Variants in IL1RAPL1 observed in about 807,000 individuals in gnomAD.
IL1RAPL1 encodes interleukin 1 receptor accessory protein like 1.
IL1RAPL1 carries 3 observed loss-of-function variants against 48.4 expected under a neutral mutation model. The ratio of observed to expected loss-of-function variants is 0.06; its 90% CI spans 0.03 to 0.16. The LOEUF (loss-of-function observed/expected upper bound fraction) is 0.16, where lower values mean the gene tolerates loss of function less well. Ranked by LOEUF, IL1RAPL1 falls within the 10% of genes least tolerant of loss-of-function variation. IL1RAPL1 has a pLI of 1.00. For missense variants in IL1RAPL1, 349 were observed against 530.6 expected (o/e 0.66, Z 3.36); for synonymous variants, 185 against 187.7 (o/e 0.99, Z 0.12).
chrX:29,695,232 A>C (rs1926877966), intron 6 of IL1RAPL1, among the ~76,000 whole-genome samples: 1 of 111,754 alleles, frequency 8.9e-6, no homozygotes, highest in Non-Finnish European at 1.9e-5. Context: ...AAGGAGCTTG[A>C]GGTACAGAGA....
chrX:29,907,434 A>G (rs1300581328), intron 6 of IL1RAPL1, among the ~76,000 whole-genome samples: 1 of 111,098 alleles, frequency 9.0e-6, no homozygotes, highest in Admixed American at 9.6e-5. Context: ...CCTATATAGT[A>G]TATTTATTTC....
chrX:29,177,326 AT>A (rs1380849647), intron 2 of IL1RAPL1, among the ~76,000 whole-genome samples: 7 of 111,768 alleles, frequency 6.3e-5, no homozygotes, highest in African/African-American at 2.3e-4. Flanking sequence ...TACATTCACA[AT>A]TATACTCTTA....
intron 2 of IL1RAPL1, among the ~76,000 whole-genome samples, chrX:28,796,630 C>A (rs1936614557): frequency 9.0e-6 from 1 of 111,676 alleles, no homozygotes; most frequent in African/African-American, 3.3e-5. Context: ...GAGGTGGGTT[C>A]CCATGGTCTT....
At chrX:29,426,343 A>G (rs971904122) in intron 5 of IL1RAPL1, among the ~76,000 whole-genome samples, 5 of 111,601 alleles carry the variant, frequency 4.5e-5, no homozygotes, top group African/African-American at 1.3e-4. Context: ...CCAGGAACCT[A>G]TTAGTAGAAG....
chrX:29,503,316 T>TTTTG (rs769570838), intron 5 of IL1RAPL1, among the ~76,000 whole-genome samples: 17 of 111,634 alleles, frequency 1.5e-4, no homozygotes, highest in Admixed American at 1.4e-3. Context: ...TATTCCAGGG[T>TTTTG]TTTGTTTGTT....
intron 6 of IL1RAPL1, among the ~76,000 whole-genome samples, chrX:29,872,899 G>A (rs778248789): frequency 8.9e-6 from 1 of 112,560 alleles, no homozygotes; most frequent in South Asian, 3.7e-4. Flanking sequence ...AAAGGTGAGA[G>A]AAAGAATGGA....
intron 1 of IL1RAPL1, among the ~76,000 whole-genome samples, chrX:28,786,290 C>T (rs1208113592): frequency 9.0e-6 from 1 of 111,112 alleles, no homozygotes; most frequent in Non-Finnish European, 1.9e-5. Flanking sequence ...CATAGTGAAA[C>T]CCCATCTCTA....
At chrX:29,340,466 C>T (rs147287484) in intron 3 of IL1RAPL1, among the ~76,000 whole-genome samples, 4,169 of 112,049 alleles carry the variant, frequency 0.037, 120 homozygotes, top group Non-Finnish European at 0.058. Context: ...TGGCTTCTTT[C>T]ACTTAGCATA....
At chrX:28,603,754 G>C (rs1250740331) in intron 1 of IL1RAPL1, among the ~76,000 whole-genome samples, 1 of 112,454 alleles carries the variant, frequency 8.9e-6, no homozygotes, top group Non-Finnish European at 1.9e-5. Flanking sequence ...TAGGAGAAAA[G>C]AGAGTTTGAT....
intron 2 of IL1RAPL1, among the ~76,000 whole-genome samples, chrX:28,981,233 C>A (rs115742034): frequency 0.013 from 1,381 of 106,938 alleles, 26 homozygotes; most frequent in African/African-American, 0.045. Flanking sequence ...GGTGCACTTT[C>A]TCACACATCA....
At chrX:28,833,153 A>G (rs756121277) in intron 2 of IL1RAPL1, among the ~76,000 whole-genome samples, 7 of 111,374 alleles carry the variant, frequency 6.3e-5, no homozygotes, top group Non-Finnish European at 1.1e-4. Flanking sequence ...TCGTTATTGT[A>G]TAAAAAACCA....
chrX:29,012,047 C>T lies in IL1RAPL1; in HGVS notation c.82+222622C>T, dbSNP rs762140637. 3.6e-5 allele frequency among the ~76,000 whole-genome samples: 4 copies of T among 112,169 alleles called. No homozygotes were observed. In the South Asian group the frequency reaches 1.5e-3, roughly 41 times the overall value. ...AATATTTCAGTTGAGTGTGATGTGTCTGTTATGTACAGATTTTGGCACCAC... is the reference window on the plus strand; with the variant it reads ...AATATTTCAGTTGAGTGTGATGTGTTTGTTATGTACAGATTTTGGCACCAC... On this transcript the variant is annotated intron_variant, in intron 2 of 10. Coordinates refer to ENST00000378993, the MANE Select transcript of IL1RAPL1 (RefSeq NM_014271.4).
intron 5 of IL1RAPL1, among the ~76,000 whole-genome samples, chrX:29,518,417 A>G (rs1052094323): frequency 9.0e-6 from 1 of 110,983 alleles, no homozygotes; most frequent in Non-Finnish European, 1.9e-5. Context: ...CAGTTTGAGT[A>G]GCAAAGAGTA....
chrX:28,849,832 TC>T (rs1921613894), intron 2 of IL1RAPL1, among the ~76,000 whole-genome samples: 1 of 112,283 alleles, frequency 8.9e-6, no homozygotes, highest in African/African-American at 3.2e-5. Flanking sequence ...TTTCTGTTTA[TC>T]TTTGTCCCTG....
At chrX:28,640,424 C>T (rs1191960458) in intron 1 of IL1RAPL1, among the ~76,000 whole-genome samples, 2 of 110,664 alleles carry the variant, frequency 1.8e-5, no homozygotes, top group East Asian at 5.7e-4. Context: ...CGGCTCATTG[C>T]AACCTCTGCC....
At chrX:28,638,432 A>G (rs1331784111) in intron 1 of IL1RAPL1, among the ~76,000 whole-genome samples, 3 of 110,367 alleles carry the variant, frequency 2.7e-5, no homozygotes, top group Non-Finnish European at 5.7e-5. Flanking sequence ...TGAAATACCT[A>G]CCCTGTCTTA....
chrX:29,894,502 A>T (rs1357127633), intron 6 of IL1RAPL1, among the ~76,000 whole-genome samples: 5 of 112,329 alleles, frequency 4.5e-5, no homozygotes, highest in African/African-American at 1.3e-4. Context: ...TAGATAAATC[A>T]TCAACGTTTT....
intron 3 of IL1RAPL1, among the ~76,000 whole-genome samples, chrX:29,361,650 A>G (rs911908775): frequency 5.4e-5 from 6 of 111,806 alleles, no homozygotes; most frequent in African/African-American, 1.9e-4. Flanking sequence ...TAAAATATTC[A>G]TTTTTGTAGA....
At chrX:29,151,280 C>T (rs1331744158) in intron 2 of IL1RAPL1, among the ~76,000 whole-genome samples, 1 of 112,477 alleles carries the variant, frequency 8.9e-6, no homozygotes, top group South Asian at 3.6e-4. Flanking sequence ...CTCATCCTTA[C>T]TTGTCATCCC....
Sources: gnomAD v4.1 joint callset for allele counts (sites outside exome capture counted in the v4.1 genomes callset) on GRCh38, gnomAD v4.1.1 for gene constraint, MANE v1.5 for transcripts, NCBI Gene and HGNC (gene_info 2026-07-23, HGNC 2026-07-21) for gene names.